Variants in OPCML observed in about 807,000 individuals in gnomAD.
OPCML encodes opioid-binding protein/cell adhesion molecule.
Under a neutral mutation model 37.8 loss-of-function variants are expected in OPCML, and 13 were observed. The observed-to-expected ratio is 0.34, with a 90% CI of 0.22 to 0.55. OPCML has a LOEUF of 0.55. Among genes scored for constraint, OPCML ranks in the 20% least tolerant of loss-of-function variants. The probability of loss-of-function intolerance (pLI) is 0.91; values close to 1 mark genes in which losing one functional copy is unlikely to be tolerated. For synonymous variants in OPCML, 176 were observed against 168.8 expected (o/e 1.04, Z -0.33); for missense variants, 341 against 435.6 (o/e 0.78, Z 1.93).
At chr11:132,830,187 G>GT (rs1442847203) in intron 2 of OPCML, among the ~76,000 whole-genome samples, 1 of 152,124 alleles carries the variant, frequency 6.6e-6, no homozygotes, top group Non-Finnish European at 1.5e-5. Flanking sequence ...CCTATATCAT[G>GT]TTTTTTAATC....
At chr11:132,782,809 GCTAT>G (rs1352352706) in intron 2 of OPCML, among the ~76,000 whole-genome samples, 1 of 150,132 alleles carries the variant, frequency 6.7e-6, no homozygotes, top group Non-Finnish European at 1.5e-5. Context: ...TAGACAGTAA[GCTAT>G]CTATGTAGAT....
chr11:133,030,191 T>C (rs529281170), intron 1 of OPCML, among the ~76,000 whole-genome samples: 1 of 152,162 alleles, frequency 6.6e-6, no homozygotes, highest in African/African-American at 2.4e-5. Flanking sequence ...CAAAACCAAG[T>C]CTCCTAACCA....
intron 3 of OPCML, among the ~76,000 whole-genome samples, chr11:132,560,677 G>A (rs565173639): frequency 2.0e-5 from 3 of 152,248 alleles, no homozygotes; most frequent in Admixed American, 6.5e-5. Context: ...TTCCCTGATC[G>A]TTAGTGACGT....
At chr11:133,403,954 A>G (rs559682016) in intron 1 of OPCML, among the ~76,000 whole-genome samples, 5 of 152,346 alleles carry the variant, frequency 3.3e-5, no homozygotes, top group African/African-American at 9.6e-5. Context: ...GCAAATTACC[A>G]TAAGTAGTGT....
chr11:132,804,306 C>T (rs184030435), intron 2 of OPCML, among the ~76,000 whole-genome samples: 517 of 152,176 alleles, frequency 3.4e-3, no homozygotes, highest in Non-Finnish European at 6.2e-3. Context: ...TCTGCGGAGC[C>T]CAAGTGGAAA....
At chr11:132,916,659 A>G (rs2725442) in intron 2 of OPCML, among the ~76,000 whole-genome samples, 11,669 of 152,278 alleles carry the variant, frequency 0.077, 508 homozygotes, top group Middle Eastern at 0.16. Flanking sequence ...ATAAAGAGGT[A>G]GAAGTCACCG....
At chr11:132,507,521 G>A (rs575213006) in intron 4 of OPCML, among the ~76,000 whole-genome samples, 19 of 151,594 alleles carry the variant, frequency 1.3e-4, no homozygotes, top group African/African-American at 2.9e-4. Context: ...GACAACTATC[G>A]AACAGTTATC....
chr11:133,314,511 CCAAAA>C (rs1943155678), intron 1 of OPCML, among the ~76,000 whole-genome samples: 1 of 151,428 alleles, frequency 6.6e-6, no homozygotes, highest in Non-Finnish European at 1.5e-5. Flanking sequence ...ATCTCTACAG[CCAAAA>C]CCTTCCTCTG....
chr11:133,300,848 T>G (rs146383907), intron 1 of OPCML: 1 of 152,128 alleles, frequency 6.6e-6, no homozygotes, highest in Admixed American at 6.5e-5. Context: ...AGAGACTGGA[T>G]TGGTGCGGGC....
At chr11:133,244,683 T>G (rs1472531060) in intron 1 of OPCML, among the ~76,000 whole-genome samples, 3 of 120,912 alleles carry the variant, frequency 2.5e-5, no homozygotes, top group South Asian at 3.1e-4. Context: ...TGTGTGGAAC[T>G]TCCCCCTTTG....
At chr11:132,525,881 A>AT (rs201566817) in intron 4 of OPCML, 2,161 of 152,312 alleles carry the variant, frequency 0.014, 47 homozygotes, top group South Asian at 0.043. Flanking sequence ...AAAGGAAACA[A>AT]TTTTTTGGAG....
intron 1 of OPCML, among the ~76,000 whole-genome samples, chr11:133,362,569 GA>G (rs1366216364): frequency 6.6e-6 from 1 of 152,192 alleles, no homozygotes; most frequent in African/African-American, 2.4e-5. Context: ...CGCCAGGGAA[GA>G]TTCCATCTCT....
intron 2 of OPCML, among the ~76,000 whole-genome samples, chr11:132,724,623 G>C (rs998710595): frequency 6.6e-6 from 1 of 152,094 alleles, no homozygotes; most frequent in Non-Finnish European, 1.5e-5. Flanking sequence ...GTTTCTCAAA[G>C]TCTTAACCCA....
At chr11:133,526,974 A>G (rs1466048639) in intron 1 of OPCML, among the ~76,000 whole-genome samples, 1 of 152,240 alleles carries the variant, frequency 6.6e-6, no homozygotes, top group East Asian at 1.9e-4. Context: ...GTCAGCAGCC[A>G]CAGACCATCT....
At chr11:132,628,088 G>A (rs567536971) in intron 3 of OPCML, among the ~76,000 whole-genome samples, 14 of 152,238 alleles carry the variant, frequency 9.2e-5, no homozygotes, top group African/African-American at 3.1e-4. Context: ...AGTGTTTAAA[G>A]ATTAGACTGC....
At chr11:133,416,387 C>A (rs1945766231) in intron 1 of OPCML, among the ~76,000 whole-genome samples, 2 of 152,202 alleles carry the variant, frequency 1.3e-5, no homozygotes, top group African/African-American at 4.8e-5. Flanking sequence ...ATCCAGTCCA[C>A]CTCTGCCTGT....
intron 1 of OPCML, among the ~76,000 whole-genome samples, chr11:133,003,513 C>T (rs1318033683): frequency 6.6e-6 from 1 of 152,152 alleles, no homozygotes; most frequent in Non-Finnish European, 1.5e-5. Context: ...AGGATGATCT[C>T]CCCATTTCAA....
At chr11:132,666,955 C>A (rs1022297460) in intron 2 of OPCML, among the ~76,000 whole-genome samples, 5 of 152,144 alleles carry the variant, frequency 3.3e-5, no homozygotes, top group East Asian at 1.9e-4. Context: ...GTGAAGGGAC[C>A]ATTGCATCCC....
chr11:132,537,776 A>T (rs527504319), intron 3 of OPCML, among the ~76,000 whole-genome samples: 1 of 152,328 alleles, frequency 6.6e-6, no homozygotes, highest in East Asian at 1.9e-4. Context: ...TAATTCTCCA[A>T]AGAAGATATA....
Sources: allele counts gnomAD v4.1 joint callset (sites outside exome capture counted in the v4.1 genomes callset), GRCh38; gene constraint gnomAD v4.1.1; transcripts MANE v1.5; gene names NCBI Gene and HGNC (gene_info 2026-07-23, HGNC 2026-07-21).